Variants in C8orf74 observed in about 807,000 individuals in gnomAD.
The protein encoded by C8orf74 is uncharacterized protein C8orf74.
In C8orf74, 29 loss-of-function variants were observed where a neutral mutation model predicts 22.2. The observed-to-expected ratio is 1.31, with a 90% CI of 0.97 to 1.78. The LOEUF is 1.78. Ranked by LOEUF, C8orf74 falls within the 40% of genes most tolerant of loss-of-function variation. The pLI, the probability that C8orf74 is intolerant of heterozygous loss-of-function variation, is 0.00. For synonymous variants in C8orf74, 255 were observed against 163.1 expected (o/e 1.56, Z -4.30); for missense variants, 515 against 369.9 (o/e 1.39, Z -3.22).
At chr8:10,685,274 C>A (rs1268899953) in intron 2 of C8orf74, among the ~76,000 whole-genome samples, 1 of 152,178 alleles carries the variant, frequency 6.6e-6, no homozygotes, top group Non-Finnish European at 1.5e-5. Context: ...GCATATGATT[C>A]AACAATGGCT....
intron 1 of C8orf74, among the ~76,000 whole-genome samples, chr8:10,673,931 C>T (rs1586026560): frequency 6.6e-6 from 1 of 151,360 alleles, no homozygotes; most frequent in African/African-American, 2.4e-5. Context: ...TCATACCCTG[C>T]AGCCCCATAT....
At chr8:10,690,744 C>A (rs963976654) in intron 2 of C8orf74, 3 of 402,836 alleles carry the variant, frequency 7.4e-6, no homozygotes, top group South Asian at 3.6e-5. Context: ...CCACCGGAGC[C>A]CCCTGGTCCG....
At chr8:10,698,637 G>C (rs1211709419) in intron 3 of C8orf74, among the ~76,000 whole-genome samples, 1 of 152,118 alleles carries the variant, frequency 6.6e-6, no homozygotes, top group Non-Finnish European at 1.5e-5. Flanking sequence ...CCCAGCCTCA[G>C]GGTAGCTGAC....
intron 2 of C8orf74, among the ~76,000 whole-genome samples, chr8:10,684,492 A>G (rs1799219830): frequency 6.6e-6 from 1 of 152,258 alleles, no homozygotes; most frequent in African/African-American, 2.4e-5. Context: ...AGTGACCAAA[A>G]AAGATGTCTT....
At chr8:10,687,577 C>T (rs929022896) in intron 2 of C8orf74, among the ~76,000 whole-genome samples, 2 of 136,130 alleles carry the variant, frequency 1.5e-5, no homozygotes, top group Non-Finnish European at 3.0e-5. Context: ...GATCGCTCCA[C>T]TGCAATCCAG....
In C8orf74 at chr8:10,700,479, C is replaced by T. The variant is rs376017137; in HGVS notation, c.*8C>T. ...GCGAAGGCAAGGAAGTAGAAGGTCC[C>T]GACTGCCACACGAGACTGACTGGGG... On this transcript the variant is annotated 3_prime_UTR_variant, in exon 4 of 4. Coordinates refer to ENST00000304519, the MANE Select transcript of C8orf74 (RefSeq NM_001040032.2). The T allele has an allele frequency of 1.3e-4, 192 of 1,532,458 alleles. No homozygotes were observed. Among genetic ancestry groups the T allele is most frequent in the Non-Finnish European group, 1.6e-4 (178 of 1,133,530 alleles). The allele number at this position is 1,532,458 out of a possible 1,614,324, so 94.9% of individuals were successfully genotyped here. A position where few individuals can be genotyped will look rare whatever the true frequency, so the allele number is the denominator to read the frequency against.
Position 10,686,118 on chromosome 8 carries a change from A to G in C8orf74, c.241+11280A>G, listed in dbSNP as rs116995949. Among the ~76,000 whole-genome samples, 199 of 152,340 alleles carry G rather than the reference A, an allele frequency of 1.3e-3. 1 individual carries two copies. The East Asian group carries it at 0.032, about 25-fold the overall frequency. On this transcript the variant is annotated intron_variant, in intron 2 of 3. Coordinates refer to ENST00000304519, the MANE Select transcript of C8orf74 (RefSeq NM_001040032.2). ...TAAAATGGTCAGTGTTATGTTATGT[A>G]TATTACAACAATTGAAAAATTAAAT...
chr8:10,683,903 G>C (rs1308830786), intron 2 of C8orf74, among the ~76,000 whole-genome samples: 1 of 152,214 alleles, frequency 6.6e-6, no homozygotes, highest in African/African-American at 2.4e-5. Flanking sequence ...TGCACTGAAA[G>C]CTGCCTCTTT....
At chr8:10,687,107 C>G (rs1385044222) in intron 2 of C8orf74, 1 of 456,144 alleles carries the variant, frequency 2.2e-6, no homozygotes, top group Non-Finnish European at 4.4e-6. Context: ...ACACAGCCCA[C>G]CAGCTGTGTA....
At chr8:10,679,709 C>A (rs1162386677) in intron 2 of C8orf74, among the ~76,000 whole-genome samples, 1 of 152,232 alleles carries the variant, frequency 6.6e-6, no homozygotes, top group African/African-American at 2.4e-5. Context: ...CTCCCACCTG[C>A]GTTTCTGCAG....
At chr8:10,686,121 T>A (rs775353925) in intron 2 of C8orf74, among the ~76,000 whole-genome samples, 25 of 152,186 alleles carry the variant, frequency 1.6e-4, no homozygotes, top group Non-Finnish European at 3.2e-4. Context: ...GTTATGTATA[T>A]TACAACAATT....
At chr8:10,697,511 A>C in intron 2 of C8orf74, 88 bp from the exon 3 acceptor site, 1 of 1,136,898 alleles carries the variant, frequency 8.8e-7, no homozygotes. Context: ...CTCTGTGACC[A>C]GGCTGTCGGG....
In C8orf74 at chr8:10,700,353, C is replaced by T. The variant is rs771423345; in HGVS notation, c.767C>T (p.Thr256Ile). ...TTGGACCTGAAGCTTCAGAAGAAGACTCTGAACCTCAACGCCCCCACCCCT... is the reference window on the plus strand; with the variant it reads ...TTGGACCTGAAGCTTCAGAAGAAGATTCTGAACCTCAACGCCCCCACCCCT... ...AILDLKLQKK[T>I]LNLNAPTPIP... The change falls in exon 4 of 4, where the codon ACT becomes ATT. Residue 256 changes from threonine (T) to isoleucine (I), a missense_variant. Thr to Ile is a moderately conservative substitution (Grantham distance 89). Transcript: ENST00000304519. 5.1e-5 allele frequency: 83 copies of T among 1,613,460 alleles called. No individual in the cohort carries two copies. Among genetic ancestry groups the T allele is most frequent in the Non-Finnish European group, 6.8e-5 (80 of 1,179,546 alleles).
At chr8:10,674,566 C>T in intron 1 of C8orf74, 80 bp from the exon 2 acceptor site, 1 of 1,132,502 alleles carries the variant, frequency 8.8e-7, no homozygotes. Context: ...CTATAGCCCC[C>T]ATATCACACC....
intron 2 of C8orf74, among the ~76,000 whole-genome samples, chr8:10,679,003 G>A (rs913888515): frequency 2.0e-5 from 3 of 152,186 alleles, no homozygotes; most frequent in South Asian, 4.1e-4. Flanking sequence ...CCTCCTTCCC[G>A]GGTTCTCCTC....
At chr8:10,685,013 G>C (rs892426030) in intron 2 of C8orf74, among the ~76,000 whole-genome samples, 2 of 152,218 alleles carry the variant, frequency 1.3e-5, no homozygotes, top group African/African-American at 4.8e-5. Flanking sequence ...ACTCCCCACA[G>C]GGGGCGGAGC....
chr8:10,687,356 A>G (rs182227423), intron 2 of C8orf74: 4 of 306,052 alleles, frequency 1.3e-5, no homozygotes, highest in Middle Eastern at 6.8e-4. Context: ...TAATAGAAAT[A>G]GATTGCATTA....
intron 2 of C8orf74, among the ~76,000 whole-genome samples, chr8:10,696,247 G>A (rs1799494935): frequency 6.6e-6 from 1 of 151,936 alleles, no homozygotes. Flanking sequence ...GGGGAGAGGA[G>A]GAGAGAAGTG....
intron 3 of C8orf74, 36 bp from the exon 4 acceptor site, chr8:10,700,199 C>G: frequency 6.9e-7 from 1 of 1,441,496 alleles, no homozygotes; most frequent in Non-Finnish European, 9.6e-7. Flanking sequence ...GCGAGGCTCC[C>G]CAGCCCTGCT....
Sources: gnomAD v4.1 joint callset for allele counts (sites outside exome capture counted in the v4.1 genomes callset) on GRCh38, gnomAD v4.1.1 for gene constraint, MANE v1.5 for transcripts, NCBI Gene and HGNC (gene_info 2026-07-23, HGNC 2026-07-21) for gene names.